CCDC178: variants seen among roughly 807,000 people sequenced by gnomAD.
The protein encoded by CCDC178 is coiled-coil domain containing 178, also known as coiled-coil domain-containing protein 178.
Under a neutral mutation model 117.4 loss-of-function variants are expected in CCDC178, and 126 were observed. That is an observed-to-expected ratio of 1.07 (90% CI 0.93 to 1.24). CCDC178 has a LOEUF of 1.24. Among genes scored for constraint, CCDC178 ranks in the 50% most tolerant of loss-of-function variants. The pLI, the probability that CCDC178 is intolerant of heterozygous loss-of-function variation, is 0.00. For synonymous variants in CCDC178, 283 were observed against 313.4 expected (o/e 0.90, Z 1.02); for missense variants, 1,030 against 986.9 (o/e 1.04, Z -0.59).
intron 12 of CCDC178, among the ~76,000 whole-genome samples, chr18:33,285,770 T>C (rs2060091188): frequency 1.3e-5 from 2 of 152,182 alleles, no homozygotes; most frequent in African/African-American, 4.8e-5. Context: ...ACTGCTTTTA[T>C]AATCAGAGTA....
At chr18:32,986,627 C>T (rs1568199673) in intron 21 of CCDC178, among the ~76,000 whole-genome samples, 1 of 151,768 alleles carries the variant, frequency 6.6e-6, no homozygotes, top group Non-Finnish European at 1.5e-5. Context: ...GGATGTAATT[C>T]AGAAAAAAGG....
intron 21 of CCDC178, among the ~76,000 whole-genome samples, chr18:33,065,106 A>G (rs1216136870): frequency 6.6e-6 from 1 of 152,086 alleles, no homozygotes; most frequent in Admixed American, 6.6e-5. Flanking sequence ...AGGGGAGGGA[A>G]AAGAAGAGGA....
chr18:33,018,627 C>G (rs545727408), intron 21 of CCDC178, among the ~76,000 whole-genome samples: 1 of 151,966 alleles, frequency 6.6e-6, no homozygotes, highest in African/African-American at 2.4e-5. Flanking sequence ...AAGAAAGAAG[C>G]CAGTGACGAA....
intron 9 of CCDC178, 112 bp from the exon 10 acceptor site, chr18:33,333,506 CT>C (rs11361411): frequency 0.28 from 43,224 of 152,726 alleles, 3,389 homozygotes; most frequent in African/African-American, 0.46. Flanking sequence ...AATCTTACTA[CT>C]TTTTTTTTTT....
At chr18:32,989,851 G>A (rs961779650) in intron 21 of CCDC178, among the ~76,000 whole-genome samples, 1 of 152,016 alleles carries the variant, frequency 6.6e-6, no homozygotes, top group Non-Finnish European at 1.5e-5. Context: ...ATATGTCAAA[G>A]TAAAGAACCT....
At chr18:33,412,667 T>C (rs2063874012) in intron 2 of CCDC178, among the ~76,000 whole-genome samples, 1 of 152,140 alleles carries the variant, frequency 6.6e-6, no homozygotes, top group African/African-American at 2.4e-5. Flanking sequence ...AACACAAGTA[T>C]CATATTATTG....
In CCDC178 at chr18:32,984,393, A is replaced by C. The variant is rs200831324; in HGVS notation, c.2389-9712T>G. 2.0e-5 allele frequency among the ~76,000 whole-genome samples: 3 copies of C among 151,948 alleles called. No homozygotes were observed. In the East Asian group the frequency reaches 5.8e-4, roughly 29 times the overall value. ...ATTTCTTTGTATACTTTATAATGAT[A>C]ATACACACTATTACATATAACAGAT... On this transcript the variant is annotated intron_variant, in intron 21 of 22. Coordinates refer to ENST00000383096, the MANE Select transcript of CCDC178 (RefSeq NM_001105528.4).
At chr18:33,129,328 A>T (rs2058044700) in intron 20 of CCDC178, among the ~76,000 whole-genome samples, 1 of 152,126 alleles carries the variant, frequency 6.6e-6, no homozygotes, top group African/African-American at 2.4e-5. Context: ...ATTTAATGGG[A>T]TTAATAGAGA....
chr18:33,423,544 A>G (rs2064063830), intron 2 of CCDC178, among the ~76,000 whole-genome samples: 1 of 152,036 alleles, frequency 6.6e-6, no homozygotes, highest in South Asian at 2.1e-4. Context: ...TTTGTAACCA[A>G]TTTTGTTTTA....
chr18:33,349,118 T>G (rs1003911566), intron 7 of CCDC178, 143 bp from the exon 8 acceptor site: 2 of 513,950 alleles, frequency 3.9e-6, no homozygotes, highest in Admixed American at 7.4e-5. Flanking sequence ...GAGACTAATA[T>G]AGCAAAATTC....
chr18:33,389,408 T>C, intron 5 of CCDC178, 132 bp downstream of exon 5: 1 of 368,356 alleles, frequency 2.7e-6, no homozygotes, highest in Non-Finnish European at 4.9e-6. Context: ...CTATTATATA[T>C]ATTTACTATG....
chr18:33,066,048 A>C (rs1257290080), intron 21 of CCDC178, among the ~76,000 whole-genome samples: 2 of 151,838 alleles, frequency 1.3e-5, no homozygotes, highest in Admixed American at 1.3e-4. Flanking sequence ...TTTTTAGTAG[A>C]GATGGGGTTT....
intron 21 of CCDC178, among the ~76,000 whole-genome samples, chr18:33,047,845 A>T (rs1366797078): frequency 1.3e-5 from 2 of 152,166 alleles, no homozygotes; most frequent in African/African-American, 4.8e-5. Flanking sequence ...AACACTAGCC[A>T]TCAATTTGCT....
chr18:33,328,256 C>T (rs956731139), intron 10 of CCDC178: 1 of 220,584 alleles, frequency 4.5e-6, no homozygotes, highest in Non-Finnish European at 9.0e-6. Flanking sequence ...GCCCGTGCCA[C>T]CACACCCAGC....
At chr18:33,190,482 T>C (rs1870322971) in intron 20 of CCDC178, among the ~76,000 whole-genome samples, 1 of 152,232 alleles carries the variant, frequency 6.6e-6, no homozygotes, top group Non-Finnish European at 1.5e-5. Flanking sequence ...TGGTTGTTTC[T>C]TCCTTTCTAT....
Position 33,297,935 on chromosome 18 carries a change from G to A in CCDC178, c.1023-4623C>T, listed in dbSNP as rs547466583. Reference sequence around the variant, plus strand: ...CGGGCGCCTGTAGTCCCAGCTACTCGGGAGGCTGAGGCAGGAGAATGGCGT... The same window carrying A: ...CGGGCGCCTGTAGTCCCAGCTACTCAGGAGGCTGAGGCAGGAGAATGGCGT... On this transcript the variant is annotated intron_variant, in intron 11 of 22. Coordinates refer to ENST00000383096, the MANE Select transcript of CCDC178 (RefSeq NM_001105528.4). 4.5e-4 allele frequency among the ~76,000 whole-genome samples: 69 copies of A among 152,030 alleles called. No homozygotes were observed. In the South Asian group the frequency reaches 0.014, roughly 31 times the overall value.
intron 20 of CCDC178, among the ~76,000 whole-genome samples, chr18:33,184,595 T>TG (rs1169815666): frequency 2.6e-5 from 4 of 152,068 alleles, no homozygotes; most frequent in Non-Finnish European, 5.9e-5. Flanking sequence ...AGAAAGTTGC[T>TG]GCAGCCAAAG....
At chr18:32,941,514 AATTT>A (rs2054239307) in intron 22 of CCDC178, among the ~76,000 whole-genome samples, 1 of 152,172 alleles carries the variant, frequency 6.6e-6, no homozygotes, top group Non-Finnish European at 1.5e-5. Flanking sequence ...CTGTCCTAAT[AATTT>A]ATTAGAGATT....
intron 6 of CCDC178, among the ~76,000 whole-genome samples, chr18:33,368,659 G>T (rs1402966151): frequency 6.6e-6 from 1 of 151,916 alleles, no homozygotes; most frequent in Non-Finnish European, 1.5e-5. Context: ...GACAGAGGGT[G>T]TGTGAATCCC....
Sources: allele counts gnomAD v4.1 joint callset (sites outside exome capture counted in the v4.1 genomes callset), GRCh38; gene constraint gnomAD v4.1.1; transcripts MANE v1.5; gene names NCBI Gene and HGNC (gene_info 2026-07-23, HGNC 2026-07-21).